LINGO2: variants seen among roughly 807,000 people sequenced by gnomAD.
LINGO2 encodes the protein leucine-rich repeat and immunoglobulin-like domain-containing nogo receptor-interacting protein 2.
Under a neutral mutation model 30.6 loss-of-function variants are expected in LINGO2, and 14 were observed. The ratio of observed to expected loss-of-function variants is 0.46; its 90% CI spans 0.30 to 0.72. The LOEUF is 0.72. LINGO2 is among the 30% of genes least tolerant of loss of function. The probability of loss-of-function intolerance (pLI) is 0.07; values close to 1 mark genes in which losing one functional copy is unlikely to be tolerated. For synonymous variants in LINGO2, 317 were observed against 288.5 expected, an observed-to-expected ratio of 1.10 and a Z score of -1.00; for missense variants, 729 against 751.7, an observed-to-expected ratio of 0.97 and a Z score of 0.35.
chr9:29,072,144 T>C, the LINGO2 span, among the ~76,000 whole-genome samples: 1 of 150,344 alleles, frequency 6.7e-6, no homozygotes, highest in East Asian at 2.0e-4. Flanking sequence ...GGAATGTAGA[T>C]AATAATGAAA....
chr9:27,973,407 T>C (rs532524923), intron 5 of LINGO2, among the ~76,000 whole-genome samples: 24 of 152,236 alleles, frequency 1.6e-4, no homozygotes, highest in African/African-American at 5.3e-4. Flanking sequence ...CTCATTCAGC[T>C]GATGAAAGGA....
chr9:28,665,377 G>C (rs1265689452), intron 1 of LINGO2, among the ~76,000 whole-genome samples: 1 of 152,056 alleles, frequency 6.6e-6, no homozygotes, highest in Non-Finnish European at 1.5e-5. Context: ...AACACATTTA[G>C]TTCTGAAATT....
chr9:28,104,757 C>T (rs1403763186), intron 4 of LINGO2, among the ~76,000 whole-genome samples: 2 of 152,036 alleles, frequency 1.3e-5, no homozygotes, highest in East Asian at 1.9e-4. Context: ...CACTGATGTG[C>T]TTTCTTCTTT....
At chr9:27,988,094 C>T (rs1332825015) in intron 5 of LINGO2, among the ~76,000 whole-genome samples, 2 of 152,010 alleles carry the variant, frequency 1.3e-5, no homozygotes, top group Non-Finnish European at 2.9e-5. Flanking sequence ...TGATCGAGAA[C>T]ATGTGGTGTT....
intron 1 of LINGO2, among the ~76,000 whole-genome samples, chr9:28,510,797 G>C (rs1206815329): frequency 6.6e-6 from 1 of 151,738 alleles, no homozygotes; most frequent in East Asian, 1.9e-4. Context: ...CTATCTATTT[G>C]GGAGTTTATT....
the LINGO2 span, among the ~76,000 whole-genome samples, chr9:28,868,130 A>G: frequency 6.6e-6 from 1 of 152,046 alleles, no homozygotes. Context: ...TTGTTAACCT[A>G]GTGTGTGTCG....
intron 4 of LINGO2, among the ~76,000 whole-genome samples, chr9:28,162,404 G>T (rs1828311551): frequency 6.6e-6 from 1 of 152,076 alleles, no homozygotes; most frequent in Non-Finnish European, 1.5e-5. Context: ...AAATCACAGG[G>T]AAAGGCTTTG....
chr9:29,060,425 T>C, the LINGO2 span, among the ~76,000 whole-genome samples: 1 of 152,052 alleles, frequency 6.6e-6, no homozygotes, highest in East Asian at 1.9e-4. Context: ...GATAAACTTC[T>C]GTGAAAACAA....
chr9:28,006,196 A>G (rs1047115808), intron 5 of LINGO2, among the ~76,000 whole-genome samples: 1 of 152,218 alleles, frequency 6.6e-6, no homozygotes, highest in Non-Finnish European at 1.5e-5. Context: ...CATTTCTTGC[A>G]AACATTTATC....
At chr9:29,002,178 C>T in the LINGO2 span, among the ~76,000 whole-genome samples, 1 of 151,988 alleles carries the variant, frequency 6.6e-6, no homozygotes, top group African/African-American at 2.4e-5. Context: ...TATTCTTATA[C>T]CACAGAATCC....
intron 1 of LINGO2, among the ~76,000 whole-genome samples, chr9:28,616,473 TA>T (rs1826136274): frequency 2.6e-5 from 4 of 152,184 alleles, no homozygotes; most frequent in Non-Finnish European, 5.9e-5. Context: ...GTCATCCTTT[TA>T]CAAAGGCCCT....
At chr9:28,885,424 C>T in the LINGO2 span, among the ~76,000 whole-genome samples, 2 of 143,364 alleles carry the variant, frequency 1.4e-5, no homozygotes, top group Non-Finnish European at 3.0e-5. Context: ...TATATATACA[C>T]ACACATATAC....
chr9:28,036,570 C>T (rs746240297), intron 4 of LINGO2, among the ~76,000 whole-genome samples: 3 of 152,114 alleles, frequency 2.0e-5, no homozygotes, highest in Non-Finnish European at 4.4e-5. Context: ...TGGTTTCCAT[C>T]AGAAAAGTCC....
intron 1 of LINGO2, among the ~76,000 whole-genome samples, chr9:28,576,014 G>T (rs1241157809): frequency 6.6e-6 from 1 of 152,020 alleles, no homozygotes; most frequent in East Asian, 1.9e-4. Context: ...TTACAATGGG[G>T]TTATGTACTG....
chr9:28,502,768 T>C (rs769106138), intron 1 of LINGO2, among the ~76,000 whole-genome samples: 2 of 152,130 alleles, frequency 1.3e-5, no homozygotes, highest in African/African-American at 2.4e-5. Context: ...AACAGGCCAC[T>C]AAATATAGCA....
At chr9:28,696,191 C>T in the LINGO2 span, among the ~76,000 whole-genome samples, 1 of 151,904 alleles carries the variant, frequency 6.6e-6, no homozygotes, top group African/African-American at 2.4e-5. Flanking sequence ...GCTATTAAAA[C>T]ACTACTTTGA....
the LINGO2 span, among the ~76,000 whole-genome samples, chr9:28,796,761 T>A: frequency 1.3e-5 from 2 of 151,988 alleles, no homozygotes; most frequent in African/African-American, 4.8e-5. Flanking sequence ...TCATTATAGA[T>A]AAAAGTATTC....
intron 2 of LINGO2, among the ~76,000 whole-genome samples, chr9:28,468,811 T>C (rs1825410909): frequency 6.6e-6 from 1 of 152,124 alleles, no homozygotes; most frequent in Non-Finnish European, 1.5e-5. Flanking sequence ...ATTAGTAAGT[T>C]TTCCCCTGCA....
intron 1 of LINGO2, among the ~76,000 whole-genome samples, chr9:28,598,210 G>A (rs1825283353): frequency 6.6e-6 from 1 of 151,918 alleles, no homozygotes; most frequent in African/African-American, 2.4e-5. Flanking sequence ...GGCTAAATAG[G>A]TAGTAAACAT....
Sources: allele counts gnomAD v4.1 joint callset (sites outside exome capture counted in the v4.1 genomes callset), GRCh38; gene constraint gnomAD v4.1.1; transcripts MANE v1.5; gene names NCBI Gene and HGNC (gene_info 2026-07-23, HGNC 2026-07-21).